Variants in XKR9 observed in about 807,000 individuals in gnomAD.
XKR9 encodes the protein XK-related protein 9.
A neutral mutation model predicts 32.0 loss-of-function variants in XKR9; 32 were observed. That is an observed-to-expected ratio of 1.00 (90% CI 0.76 to 1.34). XKR9 has a LOEUF of 1.34. Ranked by LOEUF, XKR9 falls within the 40% of genes most tolerant of loss-of-function variation. The probability of loss-of-function intolerance (pLI) is 0.00; values close to 1 mark genes in which losing one functional copy is unlikely to be tolerated. For missense variants in XKR9, 546 were observed against 429.7 expected (o/e 1.27, Z -2.39); for synonymous variants, 168 against 143.4 (o/e 1.17, Z -1.22).
the XKR9 span, among the ~76,000 whole-genome samples, chr8:70,899,790 T>C: frequency 1.3e-5 from 2 of 152,202 alleles, no homozygotes; most frequent in African/African-American, 4.8e-5. Context: ...GCTTTACTCA[T>C]TTTAAAGTGA....
At chr8:70,977,901 T>G in the XKR9 span, among the ~76,000 whole-genome samples, 10,785 of 152,258 alleles carry the variant, frequency 0.071, 435 homozygotes, top group Non-Finnish European at 0.084. Context: ...AGGACTTGCT[T>G]TATGAATCTG....
intron 4 of XKR9, among the ~76,000 whole-genome samples, chr8:70,721,250 AC>A (rs1300372771): frequency 1.3e-5 from 2 of 152,028 alleles, no homozygotes; most frequent in Non-Finnish European, 2.9e-5. Context: ...TCAAAAAACC[AC>A]CTTCTGGATT....
At chr8:70,994,734 G>A in the XKR9 span, among the ~76,000 whole-genome samples, 1 of 137,694 alleles carries the variant, frequency 7.3e-6, no homozygotes, top group Non-Finnish European at 1.6e-5. Flanking sequence ...TTAGTTCTTA[G>A]ATGTTATATT....
chr8:70,870,772 T>C, the XKR9 span, among the ~76,000 whole-genome samples: 1 of 152,184 alleles, frequency 6.6e-6, no homozygotes, highest in East Asian at 1.9e-4. Flanking sequence ...TCCAGTCCTA[T>C]GAAAAGATCA....
downstream of XKR9, among the ~76,000 whole-genome samples, chr8:70,793,991 C>T (rs1462878673): frequency 6.6e-6 from 1 of 151,922 alleles, no homozygotes; most frequent in Non-Finnish European, 1.5e-5. Flanking sequence ...GGATATCTAT[C>T]CATTTACTAA....
rs1040079869 is a variant in XKR9, at chr8:70,684,201, A to G, written c.272+2871A>G. ...TTCTGTGGATTATTATCTTCTATTAATTCTATATAATTGTCAGCCATTAAC... is the reference window on the plus strand; with the variant it reads ...TTCTGTGGATTATTATCTTCTATTAGTTCTATATAATTGTCAGCCATTAAC... On this transcript the variant is annotated intron_variant, in intron 3 of 4. Coordinates refer to ENST00000408926, the MANE Select transcript of XKR9 (RefSeq NM_001011720.2). Among the ~76,000 whole-genome samples, 4 of 152,090 alleles carry G rather than the reference A, an allele frequency of 2.6e-5. No homozygotes were observed. The South Asian group carries it at 6.2e-4, about 24-fold the overall frequency.
At chr8:70,758,373 A>T (rs1345846699) in intron 2 of XKR9, among the ~76,000 whole-genome samples, 1 of 152,072 alleles carries the variant, frequency 6.6e-6, no homozygotes, top group Admixed American at 6.6e-5. Context: ...CTGGAATATA[A>T]TTTTTTCTGT....
chr8:70,866,236 C>T, the XKR9 span, among the ~76,000 whole-genome samples: 2 of 152,202 alleles, frequency 1.3e-5, no homozygotes, highest in South Asian at 4.1e-4. Flanking sequence ...ATTCCCCAGT[C>T]TGGGTTGAAA....
chr8:71,006,948 C>T, the XKR9 span, among the ~76,000 whole-genome samples: 1 of 152,112 alleles, frequency 6.6e-6, no homozygotes, highest in Non-Finnish European at 1.5e-5. Context: ...ATGTACGATT[C>T]CTAAAACTTG....
At chr8:70,874,977 A>G in the XKR9 span, among the ~76,000 whole-genome samples, 1 of 152,172 alleles carries the variant, frequency 6.6e-6, no homozygotes, top group Non-Finnish European at 1.5e-5. Context: ...CCTTGGAACT[A>G]GTTTAGTGTC....
At chr8:70,810,361 G>T in the XKR9 span, among the ~76,000 whole-genome samples, 4 of 152,042 alleles carry the variant, frequency 2.6e-5, no homozygotes, top group African/African-American at 4.8e-5. Context: ...GACCATCGAG[G>T]CTAGGAAGAA....
chr8:70,815,073 T>C, the XKR9 span, among the ~76,000 whole-genome samples: 1 of 152,344 alleles, frequency 6.6e-6, no homozygotes, highest in South Asian at 2.1e-4. Context: ...AAAGCACTGA[T>C]GAACGAAATT....
intron 2 of XKR9, among the ~76,000 whole-genome samples, chr8:70,767,218 C>T (rs1031736811): frequency 2.0e-4 from 31 of 152,166 alleles, no homozygotes; most frequent in Non-Finnish European, 2.4e-4. Context: ...GGCTGTGAAT[C>T]CGTCTGGACC....
At chr8:70,905,882 C>T in the XKR9 span, among the ~76,000 whole-genome samples, 1 of 152,204 alleles carries the variant, frequency 6.6e-6, no homozygotes, top group Non-Finnish European at 1.5e-5. Context: ...TTGGAGTTTG[C>T]TTGAGGTCCA....
At chr8:71,048,421 G>T in the XKR9 span, among the ~76,000 whole-genome samples, 1 of 151,790 alleles carries the variant, frequency 6.6e-6, no homozygotes, top group African/African-American at 2.4e-5. Context: ...TTAATAATAG[G>T]TATATTTCAT....
the XKR9 span, among the ~76,000 whole-genome samples, chr8:71,064,629 C>G: frequency 6.6e-6 from 1 of 152,080 alleles, no homozygotes; most frequent in Non-Finnish European, 1.5e-5. Flanking sequence ...GCTTTTGGCA[C>G]CGTGAATAAT....
At chr8:71,022,453 A>C in the XKR9 span, among the ~76,000 whole-genome samples, 86,430 of 151,862 alleles carry the variant, frequency 0.57, 25,683 homozygotes, top group African/African-American at 0.64. Flanking sequence ...ATCCCACTCT[A>C]TCCTGGCCTA....
At chr8:70,766,579 A>G (rs1289745516) in intron 2 of XKR9, among the ~76,000 whole-genome samples, 2 of 152,090 alleles carry the variant, frequency 1.3e-5, no homozygotes, top group Non-Finnish European at 2.9e-5. Context: ...CTATTTGAAT[A>G]CCCTTTATTT....
chr8:70,733,378 G>T (rs1439385122), intron 4 of XKR9, among the ~76,000 whole-genome samples: 7 of 151,802 alleles, frequency 4.6e-5, no homozygotes, highest in Non-Finnish European at 1.0e-4. Context: ...TGAATTGGGT[G>T]TATGCCTAAA....
Sources: gnomAD v4.1 joint callset for allele counts (sites outside exome capture counted in the v4.1 genomes callset) on GRCh38, gnomAD v4.1.1 for gene constraint, MANE v1.5 for transcripts, NCBI Gene and HGNC (gene_info 2026-07-23, HGNC 2026-07-21) for gene names.